ALK: variants seen among roughly 807,000 people sequenced by gnomAD.
The protein encoded by ALK is ALK tyrosine kinase receptor.
ALK carries 74 observed loss-of-function variants against 163.1 expected under a neutral mutation model. The ratio of observed to expected loss-of-function variants is 0.45; its 90% confidence interval spans 0.38 to 0.55. ALK has a LOEUF of 0.55. Among genes scored for constraint, ALK ranks in the 20% least tolerant of loss-of-function variants. ALK has a pLI of 0.00. For synonymous variants in ALK, 960 were observed against 843.2 expected (o/e 1.14, Z -2.40); for missense variants, 2,063 against 2,105.3 (o/e 0.98, Z 0.39).
intron 3 of ALK, among the ~76,000 whole-genome samples, chr2:29,668,026 T>C (rs1677570463): frequency 3.3e-5 from 5 of 152,144 alleles, no homozygotes; most frequent in Admixed American, 3.3e-4. Flanking sequence ...AGATTGTATG[T>C]GTCCAAGAAT....
At chr2:29,360,189 A>C (rs1055351454) in intron 5 of ALK, among the ~76,000 whole-genome samples, 1 of 152,132 alleles carries the variant, frequency 6.6e-6, no homozygotes, top group Non-Finnish European at 1.5e-5. Flanking sequence ...CTTCTTCCTA[A>C]GGGCCAAGAT....
intron 1 of ALK, among the ~76,000 whole-genome samples, chr2:29,904,140 T>C (rs774236252): frequency 6.6e-6 from 1 of 152,142 alleles, no homozygotes; most frequent in African/African-American, 2.4e-5. Flanking sequence ...TAGTTAGTTA[T>C]TGAAATAGGG....
At chr2:29,255,997 C>G (rs1282046732) in intron 11 of ALK, among the ~76,000 whole-genome samples, 1 of 152,154 alleles carries the variant, frequency 6.6e-6, no homozygotes, top group African/African-American at 2.4e-5. Flanking sequence ...GTAGGGTAGA[C>G]ATGAGATCAG....
chr2:29,683,555 A>G (rs1282280642), intron 3 of ALK, among the ~76,000 whole-genome samples: 2 of 152,194 alleles, frequency 1.3e-5, no homozygotes, highest in African/African-American at 4.8e-5. Context: ...CACTTAGTAG[A>G]AAGAGCTGGA....
chr2:29,193,096 G>T lies in ALK; in HGVS notation c.*128C>A. The stretch of plus-strand genomic sequence containing the variant: ...TTTTCAAAATACAGCTTTTTTGGTG[G>T]TACTTCAAAATAGGTTGGCACAAAA... On this transcript the variant is annotated 3_prime_UTR_variant, in exon 29 of 29. Coordinates refer to ENST00000389048, the MANE Select transcript of ALK (RefSeq NM_004304.5). 9.9e-7 allele frequency: 1 copy of T among 1,005,200 alleles called. No individual in the cohort carries two copies. Among genetic ancestry groups the T allele is most frequent in the South Asian group, 1.4e-5 (1 of 70,546 alleles). The allele number at this position is 1,005,200 out of a possible 1,614,324, so 62.3% of individuals were successfully genotyped here.
At chr2:29,448,530 C>G (rs1462916438) in intron 4 of ALK, among the ~76,000 whole-genome samples, 3 of 152,170 alleles carry the variant, frequency 2.0e-5, no homozygotes, top group Non-Finnish European at 4.4e-5. Flanking sequence ...TGGGAAATAA[C>G]AGTGTCATCC....
chr2:29,647,690 T>C lies in ALK; in HGVS notation c.952+47160A>G, dbSNP rs533383844. ...ATACACTTAGCTTGAATGCCCCTTT[T>C]CACACAAACCGTCAAGGGCTTCCTA... On this transcript the variant is annotated intron_variant, in intron 3 of 28. Transcript: ENST00000389048. Among the ~76,000 whole-genome samples, 30 of 151,986 alleles carry C rather than the reference T, an allele frequency of 2.0e-4. No individual in the cohort carries two copies. In the South Asian group the frequency reaches 5.8e-3, roughly 30 times the overall value.
At chr2:29,789,519 G>A (rs1399049348) in intron 1 of ALK, among the ~76,000 whole-genome samples, 3 of 152,206 alleles carry the variant, frequency 2.0e-5, no homozygotes, top group Admixed American at 6.5e-5. Context: ...CTGGTGAAAT[G>A]AAGTGAAAAG....
chr2:29,453,794 T>C (rs889478209), intron 4 of ALK, among the ~76,000 whole-genome samples: 1 of 152,004 alleles, frequency 6.6e-6, no homozygotes, highest in African/African-American at 2.4e-5. Flanking sequence ...TTGGGAAAAT[T>C]TGAGGTATCC....
intron 8 of ALK, among the ~76,000 whole-genome samples, chr2:29,313,748 G>C (rs1666754168): frequency 1.3e-5 from 2 of 152,124 alleles, no homozygotes; most frequent in South Asian, 4.1e-4. Flanking sequence ...TGGAAAACGA[G>C]TTGAATTCAA....
chr2:29,785,022 A>G (rs1050113912), intron 1 of ALK, among the ~76,000 whole-genome samples: 3 of 152,150 alleles, frequency 2.0e-5, no homozygotes, highest in Admixed American at 6.5e-5. Context: ...ACCACTGACA[A>G]GAAGTATCCC....
intron 23 of ALK, among the ~76,000 whole-genome samples, chr2:29,218,010 C>A (rs1245256488): frequency 6.6e-6 from 1 of 152,216 alleles, no homozygotes; most frequent in Non-Finnish European, 1.5e-5. Flanking sequence ...GAATCCTCAT[C>A]TTACAAAGTT....
chr2:29,245,342 C>T (rs1234360667), intron 12 of ALK, among the ~76,000 whole-genome samples: 2 of 128,454 alleles, frequency 1.6e-5, no homozygotes, highest in Non-Finnish European at 3.2e-5. Flanking sequence ...TGGCTCAGTG[C>T]CCTGCACACA....
intron 3 of ALK, among the ~76,000 whole-genome samples, chr2:29,533,371 A>G (rs2148159973): frequency 6.6e-6 from 1 of 152,368 alleles, no homozygotes; most frequent in East Asian, 1.9e-4. Flanking sequence ...CATCTAATTC[A>G]GTCCTCTTGC....
At chr2:29,898,899 T>C (rs1307455553) in intron 1 of ALK, among the ~76,000 whole-genome samples, 3 of 152,204 alleles carry the variant, frequency 2.0e-5, no homozygotes, top group Non-Finnish European at 4.4e-5. Flanking sequence ...GATATCCATC[T>C]GTAACTCCAA....
chr2:29,465,329 A>G (rs1671183469), intron 4 of ALK, among the ~76,000 whole-genome samples: 1 of 152,240 alleles, frequency 6.6e-6, no homozygotes, highest in Non-Finnish European at 1.5e-5. Flanking sequence ...TATATTCAAC[A>G]TAAACATCCT....
At chr2:29,832,016 C>T (rs1444525392) in intron 1 of ALK, among the ~76,000 whole-genome samples, 1 of 152,148 alleles carries the variant, frequency 6.6e-6, no homozygotes, top group Non-Finnish European at 1.5e-5. Context: ...TTATGAAGAA[C>T]CTCTAGCAAC....
intron 3 of ALK, among the ~76,000 whole-genome samples, chr2:29,672,775 T>C (rs1466302706): frequency 6.7e-6 from 1 of 150,188 alleles, no homozygotes; most frequent in African/African-American, 2.5e-5. Flanking sequence ...AGGGTTGAAC[T>C]AGTTTACAGT....
intron 1 of ALK, among the ~76,000 whole-genome samples, chr2:29,815,734 C>T (rs899528851): frequency 2.0e-5 from 3 of 152,158 alleles, no homozygotes; most frequent in Non-Finnish European, 4.4e-5. Flanking sequence ...CCAGATGCCT[C>T]CTCGTACCTC....
Sources: gnomAD v4.1 joint callset for allele counts (sites outside exome capture counted in the v4.1 genomes callset) on GRCh38, gnomAD v4.1.1 for gene constraint, MANE v1.5 for transcripts, NCBI Gene and HGNC (gene_info 2026-07-23, HGNC 2026-07-21) for gene names.